Variants in MAPT observed in about 807,000 individuals in gnomAD.
MAPT encodes microtubule-associated protein tau.
MAPT carries 34 observed loss-of-function variants against 67.9 expected under a neutral mutation model. That is an observed-to-expected ratio of 0.50 (90% CI 0.38 to 0.67). MAPT has a LOEUF of 0.67. Ranked by LOEUF, MAPT falls within the 30% of genes least tolerant of loss-of-function variation. The pLI is 0.00. For synonymous variants in MAPT, 456 were observed against 464.5 expected (o/e 0.98, Z 0.23); for missense variants, 881 against 1,115.2 (o/e 0.79, Z 2.99).
At chr17:45,901,822 T>G (rs188532299) in intron 1 of MAPT, among the ~76,000 whole-genome samples, 60 of 152,258 alleles carry the variant, frequency 3.9e-4, no homozygotes, top group Non-Finnish European at 1.6e-4. Context: ...TATGCCACAT[T>G]AATAATGCAC....
rs531635964 is a variant in MAPT, at chr17:45,897,827, T to G, written c.-18+3141T>G. On this transcript the variant is annotated intron_variant, in intron 1 of 12. Coordinates refer to ENST00000262410, the MANE Select transcript of MAPT (RefSeq NM_001377265.1). The surrounding 1 kb of genome is among the most constrained non-coding windows in gnomAD (Gnocchi z 5.0). ...AGGCTCCAGGCTCAGCAGGACCAAT[T>G]TGAGTTCTATCTGATCCCCCTCGGC... 2 of 152,406 alleles carry G rather than the reference T, an allele frequency of 1.3e-5. No homozygotes were observed. Among genetic ancestry groups the G allele is most frequent in the African/African-American group, 4.8e-5 (2 of 41,412 alleles). The allele number at this position is 152,406 out of a possible 1,614,324, so 9.4% of individuals were successfully genotyped here.
intron 1 of MAPT, among the ~76,000 whole-genome samples, chr17:45,909,026 G>T (rs1261803118): frequency 6.6e-6 from 1 of 152,188 alleles, no homozygotes; most frequent in East Asian, 1.9e-4. Context: ...ATCAGTCCTG[G>T]CCCCGAGCAT....
intron 1 of MAPT, among the ~76,000 whole-genome samples, chr17:45,929,157 A>C (rs566803759): frequency 6.6e-6 from 1 of 152,346 alleles, no homozygotes; most frequent in East Asian, 1.9e-4. Flanking sequence ...TAGGATGGTA[A>C]GGATATTTTC....
chr17:46,011,156 G>A (rs2075794904), intron 10 of MAPT, among the ~76,000 whole-genome samples: 1 of 152,160 alleles, frequency 6.6e-6, no homozygotes, highest in African/African-American at 2.4e-5. Flanking sequence ...CAGCACTTTG[G>A]GAGACTAAGG....
intron 2 of MAPT, among the ~76,000 whole-genome samples, chr17:45,966,109 C>A (rs1269899061): frequency 6.6e-6 from 1 of 152,198 alleles, no homozygotes; most frequent in Admixed American, 6.5e-5. Context: ...AAATGACATT[C>A]TATTTAGAGG....
intron 1 of MAPT, among the ~76,000 whole-genome samples, chr17:45,960,499 A>G (rs1197125967): frequency 2.0e-5 from 3 of 152,248 alleles, no homozygotes; most frequent in Admixed American, 2.0e-4. Flanking sequence ...AGCTGAATCC[A>G]TGATTGTCAA....
At chr17:46,001,154 G>A (rs2074966445) in intron 9 of MAPT, among the ~76,000 whole-genome samples, 1 of 152,152 alleles carries the variant, frequency 6.6e-6, no homozygotes, top group East Asian at 1.9e-4. Flanking sequence ...GCTTGAGCCT[G>A]GGAGGTCAGG....
At chr17:46,022,078 G>C (rs937864229) in intron 12 of MAPT, among the ~76,000 whole-genome samples, 1 of 152,162 alleles carries the variant, frequency 6.6e-6, no homozygotes, top group African/African-American at 2.4e-5. Context: ...TAACAGGTCA[G>C]GCATGGTGGC....
At chr17:45,924,857 G>A (rs536309682) in intron 1 of MAPT, among the ~76,000 whole-genome samples, 2 of 151,750 alleles carry the variant, frequency 1.3e-5, no homozygotes, top group Non-Finnish European at 2.9e-5. Flanking sequence ...GGCCATTGCT[G>A]GGGGGTGGCA....
chr17:45,896,699 C>G lies in MAPT; in HGVS notation c.-18+2013C>G, dbSNP rs74496580. On this transcript the variant is annotated intron_variant, in intron 1 of 12. Coordinates refer to ENST00000262410, the MANE Select transcript of MAPT (RefSeq NM_001377265.1). This position sits in a 1 kb window ranked among gnomAD's most constrained non-coding sequence, Gnocchi z 5.6. ...GATTGGCCCCTGGAGGCCGCAGACA[C>G]GCAGATAGGCGGCCCTGGGTGTATT... is the stretch of plus-strand genomic sequence containing the variant. The G allele has an allele frequency of 6.6e-6, 1 of 152,136 alleles. No homozygotes were observed. The highest frequency in any genetic ancestry group is 1.5e-5 in the Non-Finnish European group (1 of 68,028). The allele number at this position is 152,136 out of a possible 1,614,324, so 9.4% of individuals were successfully genotyped here. A position where few individuals can be genotyped will look rare whatever the true frequency, so the allele number is the denominator to read the frequency against.
At position 45,959,909 on chromosome 17, in the gene MAPT, G is replaced by A. The variant is rs1598157008; in HGVS notation, c.-17-2412G>A. Among the ~76,000 whole-genome samples the A allele has an allele frequency of 6.6e-5, 10 of 152,338 alleles. 2 individuals carry two copies. The highest frequency in any genetic ancestry group is 1.5e-5 in the Non-Finnish European group (1 of 68,032). ...ATGGTTAGGAAAATATGGTACATAT[G>A]TGGAAAGGAACATTTGGTAGTTAGT... On this transcript the variant is annotated intron_variant, in intron 1 of 12. Coordinates refer to ENST00000262410, the MANE Select transcript of MAPT (RefSeq NM_001377265.1).
intron 1 of MAPT, among the ~76,000 whole-genome samples, chr17:45,953,836 A>G (rs1243568445): frequency 2.0e-5 from 3 of 152,168 alleles, no homozygotes; most frequent in Non-Finnish European, 4.4e-5. Flanking sequence ...ACAGTGGCGC[A>G]TTGCCCTGAG....
At chr17:45,989,046 G>A (rs947719466) in intron 6 of MAPT, among the ~76,000 whole-genome samples, 9 of 152,242 alleles carry the variant, frequency 5.9e-5, no homozygotes, top group Non-Finnish European at 1.0e-4. Flanking sequence ...CCAACTTGGG[G>A]GGGGCACACT....
intron 2 of MAPT, among the ~76,000 whole-genome samples, chr17:45,966,382 G>A (rs1179686877): frequency 6.6e-6 from 1 of 152,166 alleles, no homozygotes; most frequent in Non-Finnish European, 1.5e-5. Context: ...GAGCCCAGGA[G>A]TTTGAGACAA....
intron 9 of MAPT, among the ~76,000 whole-genome samples, chr17:46,006,938 AAATAAAATAAAAT>A (rs1171844928): frequency 3.4e-5 from 5 of 147,326 alleles, no homozygotes; most frequent in East Asian, 4.0e-4. Flanking sequence ...AATAAAAATA[AAATAAAATAAAAT>A]AATAAAATAA....
chr17:45,904,108 A>ATATATAT (rs1244926729), intron 1 of MAPT, among the ~76,000 whole-genome samples: 8 of 25,574 alleles, frequency 3.1e-4, no homozygotes, highest in Non-Finnish European at 4.7e-4. Flanking sequence ...ATATATATTT[A>ATATATAT]TATATATTAT....
chr17:45,910,490 G>A (rs2064693398), intron 1 of MAPT, among the ~76,000 whole-genome samples: 1 of 151,964 alleles, frequency 6.6e-6, no homozygotes, highest in East Asian at 1.9e-4. Flanking sequence ...CCCATTCACT[G>A]CTTTAGCCTA....
chr17:45,937,252 C>G (rs535787612), intron 1 of MAPT, among the ~76,000 whole-genome samples: 1 of 152,160 alleles, frequency 6.6e-6, no homozygotes, highest in African/African-American at 2.4e-5. Flanking sequence ...TCTCCATCCC[C>G]ACTTTCTCTA....
intron 11 of MAPT, among the ~76,000 whole-genome samples, chr17:46,014,648 G>C (rs2076036846): frequency 6.6e-6 from 1 of 152,218 alleles, no homozygotes; most frequent in African/African-American, 2.4e-5. Context: ...GCCAAGGTGG[G>C]TGGATCATGA....
Sources: allele counts gnomAD v4.1 joint callset (sites outside exome capture counted in the v4.1 genomes callset), GRCh38; gene constraint gnomAD v4.1.1; non-coding constraint Gnocchi (gnomAD v3.1); transcripts MANE v1.5; gene names NCBI Gene and HGNC (gene_info 2026-07-23, HGNC 2026-07-21).